Variants in FARS2 observed in about 807,000 individuals in gnomAD.
FARS2 encodes phenylalanine--tRNA ligase, mitochondrial.
FARS2 carries 40 observed loss-of-function variants against 46.4 expected under a neutral mutation model. The ratio of observed to expected loss-of-function variants is 0.86; its 90% confidence interval spans 0.67 to 1.12. FARS2 has a LOEUF of 1.12. Ranked by LOEUF, FARS2 falls within the 50% of genes most tolerant of loss-of-function variation. The pLI is 0.00. For synonymous variants in FARS2, 234 were observed against 214.9 expected (o/e 1.09, Z -0.78); for missense variants, 513 against 567.9 (o/e 0.90, Z 0.98).
intron 4 of FARS2, among the ~76,000 whole-genome samples, chr6:5,445,095 G>C (rs1400747018): frequency 6.6e-6 from 1 of 152,122 alleles, no homozygotes; most frequent in Non-Finnish European, 1.5e-5. Flanking sequence ...TTGTTGTATA[G>C]CACCACATAG....
chr6:5,276,899 A>C (rs1298451900), intron 1 of FARS2, among the ~76,000 whole-genome samples: 1 of 152,224 alleles, frequency 6.6e-6, no homozygotes, highest in Non-Finnish European at 1.5e-5. Context: ...ATCAGGCAGC[A>C]CAGGAGGAAC....
At chr6:5,453,100 TA>T (rs1206777218) in intron 4 of FARS2, among the ~76,000 whole-genome samples, 1 of 152,204 alleles carries the variant, frequency 6.6e-6, no homozygotes, top group Non-Finnish European at 1.5e-5. Flanking sequence ...CACAACATAG[TA>T]AATTGTGGAG....
chr6:5,713,993 G>A (rs944969613), intron 6 of FARS2, among the ~76,000 whole-genome samples: 3 of 152,324 alleles, frequency 2.0e-5, no homozygotes, highest in African/African-American at 7.2e-5. Context: ...AAATAAATCA[G>A]TTTGGAAGCA....
intron 5 of FARS2, among the ~76,000 whole-genome samples, chr6:5,606,422 C>T (rs1206494996): frequency 6.6e-6 from 1 of 151,886 alleles, no homozygotes; most frequent in Non-Finnish European, 1.5e-5. Context: ...TGTGTCCTAC[C>T]AAATTATTAA....
At chr6:5,299,727 C>T (rs879531991) in intron 1 of FARS2, among the ~76,000 whole-genome samples, 28 of 149,214 alleles carry the variant, frequency 1.9e-4, no homozygotes, top group Non-Finnish European at 3.9e-4. Context: ...ATGTTCCCCA[C>T]CCTGTATCCA....
chr6:5,539,226 G>T (rs1582393071), intron 4 of FARS2, among the ~76,000 whole-genome samples: 3 of 148,966 alleles, frequency 2.0e-5, no homozygotes, highest in African/African-American at 2.5e-5. Context: ...TTTTTTTTGA[G>T]ACAGGAGTCT....
chr6:5,756,513 C>T (rs1249735853), intron 6 of FARS2, among the ~76,000 whole-genome samples: 2 of 149,824 alleles, frequency 1.3e-5, no homozygotes, highest in East Asian at 3.9e-4. Context: ...AGAGAGAGAG[C>T]GAGGGGGAAG....
At chr6:5,686,334 T>C (rs1388251720) in intron 6 of FARS2, among the ~76,000 whole-genome samples, 3 of 149,864 alleles carry the variant, frequency 2.0e-5, no homozygotes, top group Non-Finnish European at 4.4e-5. Flanking sequence ...GTATATCTCC[T>C]AATGCTCTCC....
intron 6 of FARS2, among the ~76,000 whole-genome samples, chr6:5,697,896 T>TA (rs141981823): frequency 0.041 from 6,174 of 151,838 alleles, 155 homozygotes; most frequent in African/African-American, 0.068. Context: ...TTTTTTAATT[T>TA]AAAAAAAAAT....
At chr6:5,669,308 G>A (rs62385480) in intron 6 of FARS2, among the ~76,000 whole-genome samples, 65,778 of 151,630 alleles carry the variant, frequency 0.43, 15,238 homozygotes, top group Non-Finnish European at 0.52. Flanking sequence ...AACAGAGAAA[G>A]TTGCTCCCGC....
chr6:5,432,351 T>TTA (rs1554184584), intron 4 of FARS2, among the ~76,000 whole-genome samples: 9,038 of 41,628 alleles, frequency 0.22, 572 homozygotes, highest in African/African-American at 0.32. Flanking sequence ...TATATATATA[T>TTA]TATATATATA....
chr6:5,441,197 C>T (rs980499862), intron 4 of FARS2, among the ~76,000 whole-genome samples: 1 of 152,226 alleles, frequency 6.6e-6, no homozygotes, highest in African/African-American at 2.4e-5. Flanking sequence ...GTTGGGATTA[C>T]AGGCATGAGC....
At chr6:5,438,740 T>C (rs1763677025) in intron 4 of FARS2, among the ~76,000 whole-genome samples, 1 of 152,204 alleles carries the variant, frequency 6.6e-6, no homozygotes, top group African/African-American at 2.4e-5. Context: ...TGTTTCAGCA[T>C]CCCTAACTCA....
At chr6:5,569,410 T>C (rs144310023) in intron 5 of FARS2, among the ~76,000 whole-genome samples, 65 of 152,140 alleles carry the variant, frequency 4.3e-4, no homozygotes, top group Non-Finnish European at 6.5e-4. Flanking sequence ...CTAATTTTTG[T>C]ATAGTTTTTG....
chr6:5,476,675 G>T (rs181809800), intron 4 of FARS2, among the ~76,000 whole-genome samples: 1 of 152,292 alleles, frequency 6.6e-6, no homozygotes, highest in Admixed American at 6.5e-5. Context: ...GAAGGCCGTT[G>T]CCATGCCGAG....
chr6:5,409,904 C>T (rs1373133391), intron 3 of FARS2, among the ~76,000 whole-genome samples: 1 of 152,094 alleles, frequency 6.6e-6, no homozygotes, highest in Non-Finnish European at 1.5e-5. Flanking sequence ...TGAGCTTGTC[C>T]CCGACCGTGT....
chr6:5,576,082 A>G (rs56213499), intron 5 of FARS2, among the ~76,000 whole-genome samples: 7 of 152,256 alleles, frequency 4.6e-5, no homozygotes, highest in African/African-American at 9.6e-5. Context: ...CTTTAAAACG[A>G]TTGAGTCTCA....
chr6:5,680,361 T>G (rs1582744846), intron 6 of FARS2, among the ~76,000 whole-genome samples: 1 of 152,172 alleles, frequency 6.6e-6, no homozygotes. Context: ...CACCACCAGC[T>G]TGGGCAGCTG....
chr6:5,265,267 T>G (rs1765475238), intron 1 of FARS2, among the ~76,000 whole-genome samples: 1 of 152,190 alleles, frequency 6.6e-6, no homozygotes, highest in Non-Finnish European at 1.5e-5. Context: ...GGTTAAAGAT[T>G]GCAGTGTATA....
Sources: gnomAD v4.1 joint callset for allele counts (sites outside exome capture counted in the v4.1 genomes callset) on GRCh38, gnomAD v4.1.1 for gene constraint, MANE v1.5 for transcripts, NCBI Gene and HGNC (gene_info 2026-07-23, HGNC 2026-07-21) for gene names.